The following YPEL2 variants were observed in gnomAD, a reference collection of about 807,000 sequenced individuals.
YPEL2 encodes yippee like 2.
A neutral mutation model predicts 19.1 loss-of-function variants in YPEL2; 2 were observed. That is an observed-to-expected ratio of 0.10 (90% CI 0.04 to 0.33). The LOEUF is 0.33. Among genes scored for constraint, YPEL2 ranks in the 10% least tolerant of loss-of-function variants. The probability of loss-of-function intolerance (pLI) is 1.00; values close to 1 mark genes in which losing one functional copy is unlikely to be tolerated. For missense variants in YPEL2, 66 were observed against 140.7 expected (o/e 0.47, Z 2.68); for synonymous variants, 52 against 50.0 (o/e 1.04, Z -0.17).
chr17:59,394,488 A>G (rs931556909), intron 4 of YPEL2, among the ~76,000 whole-genome samples: 2 of 145,222 alleles, frequency 1.4e-5, no homozygotes, highest in Non-Finnish European at 1.5e-5. Flanking sequence ...CACTTTCCAG[A>G]CTGGGCAGCC....
intron 2 of YPEL2, among the ~76,000 whole-genome samples, chr17:59,360,986 C>G (rs1167504625): frequency 6.6e-6 from 1 of 152,172 alleles, no homozygotes; most frequent in African/African-American, 2.4e-5. Context: ...TGTGCATCAC[C>G]ATGCCCAGAT....
In YPEL2 at chr17:59,389,356, A is replaced by G. The variant is rs544344915; in HGVS notation, c.162-4A>G. On this transcript the variant is annotated splice_polypyrimidine_tract_variant and splice_region_variant and intron_variant, in intron 3 of 4. Transcript: ENST00000312655. ...CCACTCTCTCTTCTTGTGCCTCGAC[A>G]TAGAGTTAATGTGGGCTGTGGGCCT... 67 of 1,613,412 alleles carry G rather than the reference A, an allele frequency of 4.2e-5. No homozygotes were observed. Among genetic ancestry groups the G allele is most frequent in the Non-Finnish European group, 5.5e-5 (65 of 1,179,520 alleles).
chr17:59,340,536 C>T (rs2047723607), intron 1 of YPEL2, among the ~76,000 whole-genome samples: 1 of 151,894 alleles, frequency 6.6e-6, no homozygotes, highest in Admixed American at 6.6e-5. Context: ...CTGCCTCAGC[C>T]TCCCAAGTAG....
intron 2 of YPEL2, among the ~76,000 whole-genome samples, chr17:59,384,740 C>T (rs2047971897): frequency 6.6e-6 from 1 of 152,234 alleles, no homozygotes; most frequent in African/African-American, 2.4e-5. Context: ...GCACACCTTG[C>T]TGGGATACCA....
At position 59,335,694 on chromosome 17, in the gene YPEL2, G is replaced by T. The variant is rs547685729; in HGVS notation, c.-196+3870G>T. 2.0e-5 allele frequency among the ~76,000 whole-genome samples: 3 copies of T among 151,912 alleles called. No homozygotes were observed. The East Asian group carries it at 5.8e-4, about 29-fold the overall frequency. On this transcript the variant is annotated intron_variant, in intron 1 of 4. Transcript: ENST00000312655. Reference sequence around the variant, plus strand: ...CTCCCAAGTAGCTGGGATTACAGGCGCACCCCACCACGCCCGGCTAATTTT... The same window carrying T: ...CTCCCAAGTAGCTGGGATTACAGGCTCACCCCACCACGCCCGGCTAATTTT...
At chr17:59,332,087 C>G (rs868420075) in intron 1 of YPEL2, among the ~76,000 whole-genome samples, 2 of 152,042 alleles carry the variant, frequency 1.3e-5, no homozygotes, top group Admixed American at 6.5e-5. Flanking sequence ...GCGCGGGACC[C>G]CCGGCCGGGG....
At chr17:59,359,658 A>G (rs1281488268) in intron 2 of YPEL2, among the ~76,000 whole-genome samples, 1 of 152,248 alleles carries the variant, frequency 6.6e-6, no homozygotes, top group Non-Finnish European at 1.5e-5. Flanking sequence ...GATATATGAC[A>G]TAATGATTTT....
At chr17:59,395,484 T>C (rs2048034119) in intron 4 of YPEL2, among the ~76,000 whole-genome samples, 1 of 152,182 alleles carries the variant, frequency 6.6e-6, no homozygotes, top group African/African-American at 2.4e-5. Context: ...CAAGATGTTC[T>C]TATGTGTGTA....
rs746278461 is a variant in YPEL2, at chr17:59,397,207, C to G, written c.*17C>G. On this transcript the variant is annotated 3_prime_UTR_variant, in exon 5 of 5. Transcript: ENST00000312655. ...TGGGACTGATTGGACAGCATCTACC[C>G]AACCCAGTGTCCACGTGAACGCCAT... is the stretch of plus-strand genomic sequence containing the variant. 3 of 1,577,442 alleles carry G rather than the reference C, an allele frequency of 1.9e-6. No individual in the cohort carries two copies. The highest frequency in any genetic ancestry group is 2.6e-6 in the Non-Finnish European group (3 of 1,158,972).
intron 4 of YPEL2, among the ~76,000 whole-genome samples, chr17:59,396,429 A>T (rs966786227): frequency 4.6e-5 from 7 of 152,230 alleles, no homozygotes; most frequent in African/African-American, 1.7e-4. Flanking sequence ...CAGTGAAGAA[A>T]ACTAAAGCAG....
rs1470095762 is a variant in YPEL2, at chr17:59,353,988, G to A, written c.117+462G>A. 1 of 263,538 alleles carries A rather than the reference G, an allele frequency of 3.8e-6. No homozygotes were observed. Among genetic ancestry groups the A allele is most frequent in the Non-Finnish European group, 7.4e-6 (1 of 134,742 alleles). The allele number at this position is 263,538 out of a possible 1,614,324, so 16.3% of individuals were successfully genotyped here. A position where few individuals can be genotyped will look rare whatever the true frequency, so the allele number is the denominator to read the frequency against. On this transcript the variant is annotated intron_variant, in intron 2 of 4. Transcript: ENST00000312655. The surrounding 1 kb of genome is among the most constrained non-coding windows in gnomAD (Gnocchi z 4.8). ...TTACTAAAATGGGTGGCTTTTGGCA[G>A]GGACCAAAAGTGGCTTGTTGAAGAG...
intron 1 of YPEL2, among the ~76,000 whole-genome samples, chr17:59,332,478 G>T (rs972423926): frequency 6.6e-6 from 1 of 152,050 alleles, no homozygotes; most frequent in Non-Finnish European, 1.5e-5. Flanking sequence ...ACGGAACGCG[G>T]GAGCCTCTGC....
intron 1 of YPEL2, among the ~76,000 whole-genome samples, chr17:59,337,266 C>G (rs1041486707): frequency 1.3e-5 from 2 of 150,196 alleles, no homozygotes; most frequent in Admixed American, 6.6e-5. Flanking sequence ...CGGCTCACTG[C>G]AAGCTCCGCC....
intron 1 of YPEL2, among the ~76,000 whole-genome samples, chr17:59,345,648 C>T (rs2047752176): frequency 1.3e-5 from 2 of 152,246 alleles, no homozygotes; most frequent in Non-Finnish European, 2.9e-5. Flanking sequence ...ACCTTTAAGT[C>T]GATTAGTTTA....
chr17:59,332,002 C>G (rs1418540425), intron 1 of YPEL2, among the ~76,000 whole-genome samples, 178 bp downstream of exon 1: 1 of 151,416 alleles, frequency 6.6e-6, no homozygotes, highest in Non-Finnish European at 1.5e-5. Context: ...GGACGGGGAG[C>G]GGCCGCCGGG....
intron 1 of YPEL2, among the ~76,000 whole-genome samples, chr17:59,335,412 C>G (rs1243322525): frequency 6.6e-6 from 1 of 152,146 alleles, no homozygotes; most frequent in Non-Finnish European, 1.5e-5. Context: ...TGCCTCATCT[C>G]TTACCAATCC....
rs561014717 is a variant in YPEL2 at position 59,353,554 on chromosome 17, C to T, written c.117+28C>T. ...ACACATTTCCAGCAGGCCTTCCTTG[C>T]CTACCCCGGGGAGGGCGCTTAGTGC... On this transcript the variant is annotated intron_variant, in intron 2 of 4. Transcript: ENST00000312655. The surrounding 1 kb of genome is among the most constrained non-coding windows in gnomAD (Gnocchi z 4.8). 2.5e-6 allele frequency: 4 copies of T among 1,569,316 alleles called. No individual in the cohort carries two copies. The Admixed American group carries it at 6.7e-5, about 26-fold the overall frequency.
intron 2 of YPEL2, among the ~76,000 whole-genome samples, chr17:59,371,067 G>A (rs898909490): frequency 2.6e-5 from 4 of 152,320 alleles, no homozygotes; most frequent in African/African-American, 9.6e-5. Flanking sequence ...GTGAAGCACA[G>A]GCCTGTCTAG....
At chr17:59,342,064 G>T (rs2047734459) in intron 1 of YPEL2, among the ~76,000 whole-genome samples, 1 of 152,214 alleles carries the variant, frequency 6.6e-6, no homozygotes, top group African/African-American at 2.4e-5. Flanking sequence ...TTGCGGAAAG[G>T]CGGGGAGCCC....
Sources: allele counts gnomAD v4.1 joint callset (sites outside exome capture counted in the v4.1 genomes callset), GRCh38; gene constraint gnomAD v4.1.1; non-coding constraint Gnocchi (gnomAD v3.1); transcripts MANE v1.5; gene names NCBI Gene and HGNC (gene_info 2026-07-23, HGNC 2026-07-21).